Variants in NPAS3 observed in about 807,000 individuals in gnomAD.
NPAS3 encodes neuronal PAS domain-containing protein 3.
A neutral mutation model predicts 73.1 loss-of-function variants in NPAS3; 14 were observed. That is an observed-to-expected ratio of 0.19 (90% CI 0.13 to 0.30). The LOEUF is 0.30. Among genes scored for constraint, NPAS3 ranks in the 10% least tolerant of loss-of-function variants. The pLI is 1.00. For missense variants in NPAS3, 1,096 were observed against 1,250.0 expected (o/e 0.88, Z 1.86); for synonymous variants, 620 against 541.5 (o/e 1.14, Z -2.01).
intron 2 of NPAS3, among the ~76,000 whole-genome samples, chr14:33,108,968 T>C (rs1277118592): frequency 6.6e-6 from 1 of 152,212 alleles, no homozygotes; most frequent in Admixed American, 6.5e-5. Flanking sequence ...GTAAAACTTA[T>C]ACTGTTTTTT....
At chr14:33,725,311 C>A (rs756194651) in intron 6 of NPAS3, among the ~76,000 whole-genome samples, 2 of 151,982 alleles carry the variant, frequency 1.3e-5, no homozygotes, top group Non-Finnish European at 2.9e-5. Context: ...GTTATTACCA[C>A]ATAGTAAGCT....
At chr14:33,088,297 G>A (rs1166755927) in intron 2 of NPAS3, among the ~76,000 whole-genome samples, 2 of 152,232 alleles carry the variant, frequency 1.3e-5, no homozygotes, top group Non-Finnish European at 2.9e-5. Flanking sequence ...GCCAAGGGAA[G>A]CTGTGACAGA....
At chr14:33,465,087 T>TA (rs1019429763) in intron 4 of NPAS3, among the ~76,000 whole-genome samples, 13 of 152,204 alleles carry the variant, frequency 8.5e-5, no homozygotes, top group African/African-American at 3.1e-4. Context: ...GGTTTTTTTT[T>TA]ACTTGAGTGA....
At chr14:33,658,371 A>G (rs1361950216) in intron 5 of NPAS3, among the ~76,000 whole-genome samples, 1 of 152,214 alleles carries the variant, frequency 6.6e-6, no homozygotes, top group Non-Finnish European at 1.5e-5. Flanking sequence ...TTTTATATTA[A>G]TAGTGTCACC....
intron 1 of NPAS3, among the ~76,000 whole-genome samples, chr14:32,962,052 G>GA (rs956246131): frequency 2.6e-5 from 4 of 151,624 alleles, no homozygotes; most frequent in African/African-American, 4.8e-5. Flanking sequence ...CAGGTGATAA[G>GA]AAAAAAAAGG....
At chr14:33,017,730 A>G (rs2039446181) in intron 1 of NPAS3, among the ~76,000 whole-genome samples, 1 of 152,184 alleles carries the variant, frequency 6.6e-6, no homozygotes, top group Non-Finnish European at 1.5e-5. Context: ...TTTCTCATTT[A>G]TGAAATATTC....
intron 4 of NPAS3, among the ~76,000 whole-genome samples, chr14:33,413,157 G>C (rs1383664722): frequency 1.3e-5 from 2 of 151,946 alleles, no homozygotes; most frequent in Non-Finnish European, 1.5e-5. Context: ...ACAATTCCTT[G>C]CTGGAGTATT....
At chr14:33,708,305 T>A (rs968965475) in intron 6 of NPAS3, among the ~76,000 whole-genome samples, 1 of 152,216 alleles carries the variant, frequency 6.6e-6, no homozygotes, top group South Asian at 2.1e-4. Flanking sequence ...TTTGAAGAAG[T>A]CCCCAAAACC....
chr14:33,351,172 G>A (rs994391634), intron 3 of NPAS3, among the ~76,000 whole-genome samples: 1 of 152,170 alleles, frequency 6.6e-6, no homozygotes, highest in South Asian at 2.1e-4. Flanking sequence ...GTGTAAACAC[G>A]GAAGATTGCC....
intron 4 of NPAS3, among the ~76,000 whole-genome samples, chr14:33,454,403 T>C (rs760340712): frequency 3.9e-5 from 6 of 152,118 alleles, no homozygotes; most frequent in Non-Finnish European, 8.8e-5. Context: ...GGCCCAACCA[T>C]AAAATGAGGA....
chr14:32,938,295 G>A (rs1002871961), upstream of NPAS3, among the ~76,000 whole-genome samples: 1 of 151,966 alleles, frequency 6.6e-6, no homozygotes, highest in Non-Finnish European at 1.5e-5. Flanking sequence ...AGGAGCTCCC[G>A]GGACTGTGTC....
Position 33,546,145 on chromosome 14 carries a change from A to G in NPAS3, c.469-13976A>G, listed in dbSNP as rs151022879. On this transcript the variant is annotated intron_variant, in intron 4 of 11. Transcript: ENST00000356141. ...ACCCCTGCCTGTTTTCTGGTGCTTT[A>G]CCTAGGGCTGGAACGATATCCAGAT... 1.2e-3 allele frequency among the ~76,000 whole-genome samples: 188 copies of G among 152,260 alleles called. No individual in the cohort carries two copies. In the Middle Eastern group the frequency reaches 0.017, roughly 14 times the overall value.
At chr14:33,466,458 C>T (rs551957599) in intron 4 of NPAS3, among the ~76,000 whole-genome samples, 3 of 152,154 alleles carry the variant, frequency 2.0e-5, no homozygotes, top group African/African-American at 4.8e-5. Context: ...ATTAGATCAC[C>T]GTTGTTCATC....
chr14:33,177,280 T>C (rs1300344726), intron 2 of NPAS3, among the ~76,000 whole-genome samples: 2 of 151,838 alleles, frequency 1.3e-5, no homozygotes, highest in Non-Finnish European at 2.9e-5. Flanking sequence ...GTATTTTTAG[T>C]AGAGACAGGG....
chr14:33,398,534 A>G (rs1238608718), intron 4 of NPAS3, among the ~76,000 whole-genome samples: 1 of 152,088 alleles, frequency 6.6e-6, no homozygotes, highest in Non-Finnish European at 1.5e-5. Context: ...GGATTTATTA[A>G]CATGCTTTTG....
chr14:33,748,296 T>C (rs545200944), intron 7 of NPAS3, among the ~76,000 whole-genome samples: 6 of 152,250 alleles, frequency 3.9e-5, no homozygotes, highest in Middle Eastern at 3.4e-3. Flanking sequence ...ATGATAAGGA[T>C]AAGATGATAC....
intron 3 of NPAS3, among the ~76,000 whole-genome samples, chr14:33,320,687 G>A (rs926422407): frequency 6.6e-6 from 1 of 152,194 alleles, no homozygotes; most frequent in East Asian, 1.9e-4. Flanking sequence ...TGACATGGCA[G>A]AGGGAAGCAC....
chr14:33,314,110 G>A (rs1438730069), intron 3 of NPAS3, among the ~76,000 whole-genome samples: 1 of 151,980 alleles, frequency 6.6e-6, no homozygotes, highest in East Asian at 1.9e-4. Flanking sequence ...AGACCACTTT[G>A]TAAATAAATA....
chr14:33,784,974 T>A (rs943011133), intron 9 of NPAS3, among the ~76,000 whole-genome samples: 2 of 151,192 alleles, frequency 1.3e-5, no homozygotes, highest in Non-Finnish European at 2.9e-5. Context: ...GGTCTCGAGC[T>A]CCCAACCTCA....
Sources: allele counts gnomAD v4.1 joint callset (sites outside exome capture counted in the v4.1 genomes callset), GRCh38; gene constraint gnomAD v4.1.1; transcripts MANE v1.5; gene names NCBI Gene and HGNC (gene_info 2026-07-23, HGNC 2026-07-21).